Variants in SESTD1 observed in about 807,000 individuals in gnomAD.
The protein encoded by SESTD1 is SEC14 and spectrin domain containing 1.
Under a neutral mutation model 101.7 loss-of-function variants are expected in SESTD1, and 43 were observed. The observed-to-expected ratio is 0.42, with a 90% CI of 0.33 to 0.55. The LOEUF is 0.55. Ranked by LOEUF, SESTD1 falls within the 20% of genes least tolerant of loss-of-function variation. The probability of loss-of-function intolerance (pLI) is 0.07; values close to 1 mark genes in which losing one functional copy is unlikely to be tolerated. For synonymous variants in SESTD1, 283 were observed against 286.8 expected (o/e 0.99, Z 0.13); for missense variants, 647 against 815.1 (o/e 0.79, Z 2.51).
At chr2:179,145,356 A>G (rs1471986780) in intron 8 of SESTD1, among the ~76,000 whole-genome samples, 1 of 152,216 alleles carries the variant, frequency 6.6e-6, no homozygotes, top group Non-Finnish European at 1.5e-5. Context: ...TGTAACCTAT[A>G]TAAGTTACTT....
At position 179,203,601 on chromosome 2, in the gene SESTD1, G is replaced by T. The variant is rs1040840952; in HGVS notation, c.-25-11735C>A. On this transcript the variant is annotated intron_variant, in intron 1 of 17. Transcript: ENST00000428443. ...CTCCTGAGTTGTATCCTTTATAATA[G>T]TCCAGTAATCATAAATAAATTGTCT... 1.6e-4 allele frequency among the ~76,000 whole-genome samples: 22 copies of T among 134,596 alleles called. 1 individual carries two copies. Among genetic ancestry groups the T allele is most frequent in the African/African-American group, 5.9e-4 (20 of 34,002 alleles). The allele number at this position is 134,596 out of a possible 152,430, so 88.3% of individuals were successfully genotyped here.
At chr2:179,255,954 CA>C (rs2047387081) in intron 1 of SESTD1, among the ~76,000 whole-genome samples, 1 of 151,920 alleles carries the variant, frequency 6.6e-6, no homozygotes, top group African/African-American at 2.4e-5. Flanking sequence ...GCCTGGATAA[CA>C]GCATATGTGC....
Position 179,123,781 on chromosome 2 carries a change from C to T in SESTD1, c.1216G>A (p.Ala406Thr). 1 of 1,613,978 alleles carries T rather than the reference C, an allele frequency of 6.2e-7. No homozygotes were observed. Among genetic ancestry groups the T allele is most frequent in the Non-Finnish European group, 8.5e-7 (1 of 1,179,950 alleles). Residue 406 changes from alanine to threonine, a missense_variant, in exon 12 of 18, where the codon GCA (alanine) becomes ACA (threonine). By Grantham distance (58) the Ala-to-Thr change is moderately conservative. Transcript: ENST00000428443. ...GLLGMLCVDV[A>T]PADGASIQQT... ...TGAATCGATGCTCCATCAGCTGGTG[C>T]TACATCTACGCACAACATCCCTAAT... is the stretch of plus-strand genomic sequence containing the variant.
At chr2:179,170,257 A>G (rs1489956958) in intron 5 of SESTD1, among the ~76,000 whole-genome samples, 1 of 152,190 alleles carries the variant, frequency 6.6e-6, no homozygotes, top group East Asian at 1.9e-4. Context: ...AGTTAAAAAA[A>G]TTTCTTGAAA....
chr2:179,185,858 G>A (rs1362700160), intron 2 of SESTD1, among the ~76,000 whole-genome samples: 1 of 129,398 alleles, frequency 7.7e-6, no homozygotes, highest in Non-Finnish European at 1.6e-5. Flanking sequence ...GTACAATATA[G>A]TATGTTATAT....
At chr2:179,175,551 G>GT (rs1369454449) in intron 4 of SESTD1, among the ~76,000 whole-genome samples, 1 of 151,968 alleles carries the variant, frequency 6.6e-6, no homozygotes, top group African/African-American at 2.4e-5. Context: ...TACTCTCATT[G>GT]TATTTGCTTC....
intron 3 of SESTD1, among the ~76,000 whole-genome samples, chr2:179,182,299 T>C (rs1011159305): frequency 2.0e-5 from 3 of 152,074 alleles, no homozygotes; most frequent in Admixed American, 1.3e-4. Context: ...CTCATTTACA[T>C]GCTTAATTGT....
At chr2:179,154,725 G>T (rs1048755612) in intron 5 of SESTD1, among the ~76,000 whole-genome samples, 1 of 151,848 alleles carries the variant, frequency 6.6e-6, no homozygotes, top group East Asian at 1.9e-4. Context: ...CAAACAATTT[G>T]GTCTCTTAAA....
Position 179,124,424 on chromosome 2 carries a change from C to T in SESTD1, c.1107G>A (p.Gln369=), listed in dbSNP as rs1245848517. The T allele has an allele frequency of 1.2e-6, 2 of 1,614,088 alleles. No homozygotes were observed. Among genetic ancestry groups the T allele is most frequent in the South Asian group, 2.2e-5 (2 of 91,070 alleles). The change falls in exon 11 of 18, where the codon CAG becomes CAA. Residue 369 remains glutamine (Q), a synonymous_variant. Coordinates refer to ENST00000428443, the MANE Select transcript of SESTD1 (RefSeq NM_178123.5). ...LSDVCYRQAS[Q]LEFRQNLLQA... ...GTAAGAGATTTTGCCTAAATTCCAG[C>T]TGACTGGCCTGTCGATAACAAACAT...
intron 1 of SESTD1, among the ~76,000 whole-genome samples, chr2:179,229,029 G>C (rs1452791757): frequency 2.0e-5 from 3 of 152,170 alleles, no homozygotes; most frequent in African/African-American, 7.2e-5. Flanking sequence ...ATAGATGAGA[G>C]AAAATTATAG....
In SESTD1 at chr2:179,103,592, A is replaced by C. The variant is rs575388873; in HGVS notation, c.*6307T>G. The C allele has an allele frequency of 1.2e-4, 18 of 152,294 alleles. No homozygotes were observed. Among genetic ancestry groups the C allele is most frequent in the African/African-American group, 2.9e-4 (12 of 41,582 alleles). The allele number at this position is 152,294 out of a possible 1,614,324, so 9.4% of individuals were successfully genotyped here. On this transcript the variant is annotated 3_prime_UTR_variant, in exon 18 of 18. Transcript: ENST00000428443. ...AACTGTAATATTGTCATACAGTGGA[A>C]TACTACTCAGCAATAAAAAAGAACA...
intron 7 of SESTD1, among the ~76,000 whole-genome samples, chr2:179,147,786 CTT>C (rs2105446548): frequency 6.6e-6 from 1 of 152,336 alleles, no homozygotes; most frequent in South Asian, 2.1e-4. Context: ...GCATCAAACT[CTT>C]TGATCATGGA....
At chr2:179,171,583 G>T (rs1423667976) in intron 5 of SESTD1, among the ~76,000 whole-genome samples, 1 of 152,130 alleles carries the variant, frequency 6.6e-6, no homozygotes, top group African/African-American at 2.4e-5. Flanking sequence ...GTGGAAGAAA[G>T]AATATGACAA....
intron 13 of SESTD1, among the ~76,000 whole-genome samples, chr2:179,118,521 A>G (rs1243165369): frequency 6.6e-6 from 1 of 152,202 alleles, no homozygotes; most frequent in Non-Finnish European, 1.5e-5. Context: ...AGAAAGCTTA[A>G]TAACAATATA....
Position 179,129,423 on chromosome 2 carries a change from T to TC in SESTD1, c.972+2880_972+2881insG, listed in dbSNP as rs533229466. 6.2e-4 allele frequency among the ~76,000 whole-genome samples: 95 copies of TC among 152,352 alleles called. 1 individual carries two copies. In the East Asian group the frequency reaches 0.016, roughly 26 times the overall value. On this transcript the variant is annotated intron_variant, in intron 10 of 17. Transcript: ENST00000428443. ...TCTATTAAAAAACCAAGTTAACTTC[T>TC]AATTACCAATCCTTGAACTAGAACT...
intron 1 of SESTD1, among the ~76,000 whole-genome samples, chr2:179,211,535 A>C (rs1478162790): frequency 1.5e-5 from 2 of 133,928 alleles, no homozygotes; most frequent in East Asian, 4.0e-4. Context: ...GAACTTTGAC[A>C]AAGCAAACAA....
intron 5 of SESTD1, among the ~76,000 whole-genome samples, chr2:179,162,294 T>C (rs991462528): frequency 2.6e-5 from 4 of 152,152 alleles, no homozygotes; most frequent in African/African-American, 9.7e-5. Flanking sequence ...AAAATATGAT[T>C]CCTTCATTAA....
chr2:179,258,810 G>A (rs2047438277), intron 1 of SESTD1, among the ~76,000 whole-genome samples: 1 of 152,124 alleles, frequency 6.6e-6, no homozygotes, highest in Non-Finnish European at 1.5e-5. Flanking sequence ...ATTTAGATAA[G>A]GTGATTATGG....
intron 1 of SESTD1, among the ~76,000 whole-genome samples, chr2:179,196,313 C>T (rs922552578): frequency 2.6e-5 from 4 of 152,214 alleles, no homozygotes; most frequent in South Asian, 2.1e-4. Flanking sequence ...CCTACACCCA[C>T]GGAGTCTCGC....
Sources: gnomAD v4.1 joint callset for allele counts (sites outside exome capture counted in the v4.1 genomes callset) on GRCh38, gnomAD v4.1.1 for gene constraint, MANE v1.5 for transcripts, NCBI Gene and HGNC (gene_info 2026-07-23, HGNC 2026-07-21) for gene names.